DPH6: variants seen among roughly 807,000 people sequenced by gnomAD.
DPH6 encodes diphthamine biosynthesis 6, also known as diphthine--ammonia ligase.
DPH6 carries 33 observed loss-of-function variants against 38.2 expected under a neutral mutation model. That is an observed-to-expected ratio of 0.86 (90% confidence interval 0.65 to 1.15). DPH6 has a LOEUF of 1.15. Among genes scored for constraint, DPH6 ranks in the 50% most tolerant of loss-of-function variants. The pLI is 0.00. For synonymous variants in DPH6, 108 were observed against 103.0 expected (o/e 1.05, Z -0.30); for missense variants, 325 against 320.0 (o/e 1.02, Z -0.12).
At chr15:35,433,763 T>C (rs907029589) in intron 5 of DPH6, among the ~76,000 whole-genome samples, 1 of 152,206 alleles carries the variant, frequency 6.6e-6, no homozygotes, top group Admixed American at 6.5e-5. Context: ...TCTAAAAAAC[T>C]GCATGTATCT....
the DPH6 span, among the ~76,000 whole-genome samples, chr15:35,178,267 T>C: frequency 2.4e-4 from 37 of 152,214 alleles, no homozygotes; most frequent in African/African-American, 8.7e-4. Flanking sequence ...AACAAAGATA[T>C]ACCTGAGAGT....
intron 5 of DPH6, among the ~76,000 whole-genome samples, chr15:35,415,901 T>C (rs1019377268): frequency 2.0e-5 from 3 of 152,014 alleles, no homozygotes; most frequent in Non-Finnish European, 2.9e-5. Flanking sequence ...ATACCTAAAA[T>C]ATTTAAGAGC....
intron 3 of DPH6, among the ~76,000 whole-genome samples, chr15:35,531,721 G>A (rs576468691): frequency 6.4e-4 from 98 of 152,180 alleles, no homozygotes; most frequent in African/African-American, 2.2e-3. Context: ...TGCCCGCCTC[G>A]GCCTCCTAAA....
chr15:35,230,291 G>T (rs2051507996), intron 3 of DPH6, among the ~76,000 whole-genome samples: 1 of 152,148 alleles, frequency 6.6e-6, no homozygotes, highest in African/African-American at 2.4e-5. Flanking sequence ...GCCTCACCTT[G>T]TGGCCATCAC....
At position 35,428,082 on chromosome 15, in the gene DPH6, A is replaced by T. The variant is rs542262805; in HGVS notation, c.506-17186T>A. Among the ~76,000 whole-genome samples, 3 of 152,088 alleles carry T rather than the reference A, an allele frequency of 2.0e-5. No individual in the cohort carries two copies. The East Asian group carries it at 5.8e-4, about 29-fold the overall frequency. ...AGCAAGATTTTTATGTATCAAATAG[A>T]ATCGGAAAGCCACACGAGTTTAATT... On this transcript the variant is annotated intron_variant, in intron 5 of 8. Transcript: ENST00000256538.
intron 5 of DPH6, among the ~76,000 whole-genome samples, chr15:35,449,388 T>C (rs890826761): frequency 1.3e-5 from 2 of 152,116 alleles, no homozygotes; most frequent in Non-Finnish European, 2.9e-5. Context: ...GGTTATATAC[T>C]ATTAAAAGAT....
At chr15:35,357,295 C>G (rs1251582410) in intron 3 of DPH6, among the ~76,000 whole-genome samples, 1 of 152,238 alleles carries the variant, frequency 6.6e-6, no homozygotes, top group Non-Finnish European at 1.5e-5. Context: ...CTGTCTTGCA[C>G]CACTGTCCGA....
intron 3 of DPH6, chr15:35,238,267 CA>C (rs34671914): frequency 0.061 from 14,015 of 230,412 alleles, 2 homozygotes; most frequent in South Asian, 0.13. Flanking sequence ...TTTTTACTGC[CA>C]AAAAAAAAAA....
chr15:35,356,740 T>C (rs1444395320), intron 3 of DPH6, among the ~76,000 whole-genome samples: 1 of 152,196 alleles, frequency 6.6e-6, no homozygotes, highest in Non-Finnish European at 1.5e-5. Context: ...AGGGACCCAC[T>C]TGAGGAGGCA....
At chr15:35,467,415 A>T (rs1262805597) in intron 3 of DPH6, among the ~76,000 whole-genome samples, 1 of 152,120 alleles carries the variant, frequency 6.6e-6, no homozygotes, top group Non-Finnish European at 1.5e-5. Context: ...AAAATACAAA[A>T]ATTAGCTGGG....
At chr15:35,546,059 C>T in intron 1 of DPH6, 60 bp downstream of exon 1, 2 of 1,301,606 alleles carry the variant, frequency 1.5e-6, no homozygotes, top group South Asian at 2.2e-5. Context: ...GCGCTAGCGG[C>T]GGCTGGAAGG....
intron 8 of DPH6, 41 bp downstream of exon 8, chr15:35,373,480 A>G: frequency 6.4e-7 from 1 of 1,555,788 alleles, no homozygotes; most frequent in Non-Finnish European, 8.7e-7. Context: ...TATATATCTC[A>G]AATTTCTATT....
Position 35,453,642 on chromosome 15 carries a change from C to T in DPH6, c.386+1105G>A, listed in dbSNP as rs146740507. The stretch of plus-strand genomic sequence containing the variant: ...TCCCCACTCCATCATCATCATCCAT[C>T]GTCCAGAGATTCTGATACACCTCTA... On this transcript the variant is annotated intron_variant, in intron 4 of 8. Coordinates refer to ENST00000256538, the MANE Select transcript of DPH6 (RefSeq NM_080650.4). Among the ~76,000 whole-genome samples the T allele has an allele frequency of 2.0e-4, 31 of 152,232 alleles. No homozygotes were observed. The East Asian group carries it at 3.1e-3, about 15-fold the overall frequency.
At chr15:35,488,439 CTT>C (rs1191156266) in intron 3 of DPH6, among the ~76,000 whole-genome samples, 1 of 152,154 alleles carries the variant, frequency 6.6e-6, no homozygotes, top group Non-Finnish European at 1.5e-5. Context: ...GGTCTCAAAA[CTT>C]AGAATCACAG....
At chr15:35,452,891 T>C (rs1057103424) in intron 4 of DPH6, among the ~76,000 whole-genome samples, 9 of 152,192 alleles carry the variant, frequency 5.9e-5, no homozygotes, top group East Asian at 1.9e-4. Flanking sequence ...CTTAAGTCTA[T>C]AGTCAAGAGA....
At chr15:35,207,789 CAG>C in the DPH6 span, among the ~76,000 whole-genome samples, 1 of 152,140 alleles carries the variant, frequency 6.6e-6, no homozygotes, top group African/African-American at 2.4e-5. Context: ...AAAATAATGA[CAG>C]ATGATGATTC....
intron 3 of DPH6, chr15:35,521,424 AC>A: frequency 8.8e-7 from 1 of 1,133,630 alleles, no homozygotes; most frequent in Non-Finnish European, 1.1e-6. Flanking sequence ...AAGTAAATGA[AC>A]AAATTCAGAA....
At chr15:35,457,741 C>T (rs1391996644) in intron 3 of DPH6, among the ~76,000 whole-genome samples, 2 of 152,222 alleles carry the variant, frequency 1.3e-5, no homozygotes, top group Non-Finnish European at 2.9e-5. Flanking sequence ...TCCAAGGTTA[C>T]TATGGAGATT....
chr15:35,324,777 C>T (rs1378172850), intron 3 of DPH6, among the ~76,000 whole-genome samples: 7 of 151,892 alleles, frequency 4.6e-5, no homozygotes, highest in Non-Finnish European at 1.0e-4. Flanking sequence ...AAGAATTTTA[C>T]CTTTTAGGAA....
Sources: gnomAD v4.1 joint callset for allele counts (sites outside exome capture counted in the v4.1 genomes callset) on GRCh38, gnomAD v4.1.1 for gene constraint, MANE v1.5 for transcripts, NCBI Gene and HGNC (gene_info 2026-07-23, HGNC 2026-07-21) for gene names.